The following ANTXR1 variants were observed in gnomAD, a reference collection of about 807,000 sequenced individuals.
ANTXR1 encodes the protein ANTXR cell adhesion molecule 1, also known as anthrax toxin receptor 1.
In ANTXR1, 19 loss-of-function variants were observed where a neutral mutation model predicts 78.1. The ratio of observed to expected loss-of-function variants is 0.24; its 90% CI spans 0.17 to 0.36. The LOEUF (loss-of-function observed/expected upper bound fraction) is 0.36, where lower values mean the gene tolerates loss of function less well. Among genes scored for constraint, ANTXR1 ranks in the 10% least tolerant of loss-of-function variants. The probability of loss-of-function intolerance (pLI) is 1.00; values close to 1 mark genes in which losing one functional copy is unlikely to be tolerated. For synonymous variants in ANTXR1, 273 were observed against 260.5 expected (o/e 1.05, Z -0.46); for missense variants, 518 against 718.6 (o/e 0.72, Z 3.19).
At chr2:69,204,503 T>C (rs1371721875) in intron 17 of ANTXR1, among the ~76,000 whole-genome samples, 1 of 152,198 alleles carries the variant, frequency 6.6e-6, no homozygotes, top group Non-Finnish European at 1.5e-5. Context: ...TCCATTATCT[T>C]ATCTGTTCCC....
chr2:69,216,189 G>A (rs1675168445), intron 17 of ANTXR1, among the ~76,000 whole-genome samples: 1 of 152,182 alleles, frequency 6.6e-6, no homozygotes, highest in South Asian at 2.1e-4. Context: ...AATTTTTAGA[G>A]CTAGAAGGAA....
At chr2:69,117,892 C>T (rs1247224652) in intron 10 of ANTXR1, among the ~76,000 whole-genome samples, 5 of 152,128 alleles carry the variant, frequency 3.3e-5, no homozygotes, top group East Asian at 1.9e-4. Context: ...TCTGTCCCCT[C>T]GGTATGCAGC....
intron 16 of ANTXR1, among the ~76,000 whole-genome samples, chr2:69,186,770 A>G (rs1035350468): frequency 1.3e-5 from 2 of 152,250 alleles, no homozygotes; most frequent in African/African-American, 4.8e-5. Context: ...AAAAGGTTAT[A>G]TAAGTACCTA....
At chr2:69,072,558 T>C (rs1024931351) in intron 5 of ANTXR1, among the ~76,000 whole-genome samples, 1 of 152,200 alleles carries the variant, frequency 6.6e-6, no homozygotes, top group Admixed American at 6.5e-5. Context: ...CTATAATTCT[T>C]CCAGTCAACT....
chr2:69,241,193 C>T (rs186950899), intron 17 of ANTXR1, among the ~76,000 whole-genome samples: 38 of 152,264 alleles, frequency 2.5e-4, no homozygotes, highest in South Asian at 1.5e-3. Context: ...TGTTATGAAG[C>T]GAGAGTTCCA....
intron 9 of ANTXR1, among the ~76,000 whole-genome samples, chr2:69,096,338 G>A (rs9678939): frequency 0.72 from 9,864 of 13,706 alleles, 4,517 homozygotes; most frequent in East Asian, 0.88. Flanking sequence ...GGGAGGAAGG[G>A]AGGAAGGGAG....
At chr2:69,171,083 G>T (rs1164671055) in intron 14 of ANTXR1, among the ~76,000 whole-genome samples, 1 of 152,254 alleles carries the variant, frequency 6.6e-6, no homozygotes, top group East Asian at 1.9e-4. Flanking sequence ...CCAAAAGATA[G>T]ATTGATAAGG....
At chr2:69,079,164 TAGC>T (rs1670826548) in intron 8 of ANTXR1, among the ~76,000 whole-genome samples, 3 of 152,290 alleles carry the variant, frequency 2.0e-5, no homozygotes, top group Non-Finnish European at 4.4e-5. Flanking sequence ...AAATTATTGA[TAGC>T]ATAGAGAATT....
intron 8 of ANTXR1, among the ~76,000 whole-genome samples, chr2:69,088,884 G>T (rs1304088092): frequency 6.6e-6 from 1 of 152,172 alleles, no homozygotes; most frequent in Admixed American, 6.5e-5. Context: ...TTCCCCAGGT[G>T]CCCAGAGCAG....
intron 3 of ANTXR1, among the ~76,000 whole-genome samples, chr2:69,046,715 C>T (rs1301792609): frequency 6.6e-6 from 1 of 152,194 alleles, no homozygotes; most frequent in Non-Finnish European, 1.5e-5. Context: ...CTAAAAGAAT[C>T]AGGCTTTCAG....
At chr2:69,177,447 G>A (rs759942954) in intron 14 of ANTXR1, among the ~76,000 whole-genome samples, 4 of 152,204 alleles carry the variant, frequency 2.6e-5, no homozygotes, top group Non-Finnish European at 4.4e-5. Flanking sequence ...GTGCCTGCAG[G>A]CACACCCAGG....
chr2:69,086,712 A>G (rs1238260404), intron 8 of ANTXR1, among the ~76,000 whole-genome samples: 2 of 152,250 alleles, frequency 1.3e-5, no homozygotes, highest in Non-Finnish European at 2.9e-5. Flanking sequence ...AGCAATAGTA[A>G]TGACAAAGGA....
At chr2:69,096,286 AAGGG>A (rs199960352) in intron 9 of ANTXR1, among the ~76,000 whole-genome samples, 1,121 of 36,450 alleles carry the variant, frequency 0.031, 253 homozygotes, top group Middle Eastern at 0.087. Flanking sequence ...GGAAGGAAGG[AAGGG>A]AGGAAGGGAG....
intron 14 of ANTXR1, among the ~76,000 whole-genome samples, chr2:69,180,483 A>C (rs928563223): frequency 6.6e-6 from 1 of 151,666 alleles, no homozygotes; most frequent in African/African-American, 2.4e-5. Flanking sequence ...CAGTTGCTAC[A>C]TCTCCTCCCT....
rs1486063020 is a variant in ANTXR1, at chr2:69,123,080, T to C, written c.866T>C (p.Val289Ala). The stretch of plus-strand genomic sequence containing the variant: ...TGTCCAGCGCCTATCTTAAAAGAAG[T>C]TGGCATGTAAGTTTTCACCAGCAAC... ...LLCPAPILKE[V>A]GMKAALQVSM... The change falls in exon 11 of 18, where the codon GTT (valine) becomes GCT (alanine). Residue 289 changes from valine (V) to alanine (A), a missense_variant. Physicochemically the swap from Val to Ala is moderately conservative, Grantham distance 64. Around this residue, in one of 5 missense-constraint regions of ANTXR1, gnomAD observed 264 missense variants for 391.8 expected, o/e 0.67. Transcript: ENST00000303714. 1.2e-6 allele frequency: 2 copies of C among 1,614,108 alleles called. No homozygotes were observed. Among genetic ancestry groups the C allele is most frequent in the African/African-American group, 1.3e-5 (1 of 75,002 alleles).
At chr2:69,084,454 A>G (rs1463877098) in intron 8 of ANTXR1, among the ~76,000 whole-genome samples, 1 of 152,222 alleles carries the variant, frequency 6.6e-6, no homozygotes, top group Non-Finnish European at 1.5e-5. Flanking sequence ...TGTTTAAGAT[A>G]CACAAACTGC....
intron 10 of ANTXR1, among the ~76,000 whole-genome samples, chr2:69,118,036 A>G (rs11687437): frequency 0.43 from 65,043 of 152,040 alleles, 14,923 homozygotes; most frequent in Admixed American, 0.51. Context: ...TGCCTTGGGT[A>G]AACCTATGTC....
chr2:69,169,187 A>C (rs1673908973), intron 13 of ANTXR1, among the ~76,000 whole-genome samples: 2 of 152,230 alleles, frequency 1.3e-5, no homozygotes, highest in Admixed American at 1.3e-4. Flanking sequence ...AGGAAGAAAA[A>C]ATGGGTCCTG....
chr2:69,027,391 G>A (rs1671376988), intron 1 of ANTXR1, among the ~76,000 whole-genome samples: 1 of 152,122 alleles, frequency 6.6e-6, no homozygotes, highest in South Asian at 2.1e-4. Context: ...GTAGAGGCCA[G>A]GCCAAAGCAT....
Sources: allele counts gnomAD v4.1 joint callset (sites outside exome capture counted in the v4.1 genomes callset), GRCh38; gene constraint gnomAD v4.1.1; regional missense constraint gnomAD v4.1.1; transcripts MANE v1.5; gene names NCBI Gene and HGNC (gene_info 2026-07-23, HGNC 2026-07-21).